The following ASAP1 variants were observed in gnomAD, a reference collection of about 807,000 sequenced individuals.
ASAP1 encodes ArfGAP with SH3 domain, ankyrin repeat and PH domain 1.
Under a neutral mutation model 145.2 loss-of-function variants are expected in ASAP1, and 43 were observed. The ratio of observed to expected loss-of-function variants is 0.30; its 90% CI spans 0.23 to 0.38. The LOEUF (loss-of-function observed/expected upper bound fraction) is 0.38, where lower values mean the gene tolerates loss of function less well. Among genes scored for constraint, ASAP1 ranks in the 10% least tolerant of loss-of-function variants. The pLI is 1.00. For missense variants in ASAP1, 1,018 were observed against 1,355.3 expected (o/e 0.75, Z 3.91); for synonymous variants, 546 against 515.5 (o/e 1.06, Z -0.80).
At position 130,135,556 on chromosome 8, in the gene ASAP1, G is replaced by A. The variant is rs552564188; in HGVS notation, c.1169-1212C>T. Among the ~76,000 whole-genome samples, 4 of 152,306 alleles carry A rather than the reference G, an allele frequency of 2.6e-5. No homozygotes were observed. In the South Asian group the frequency reaches 8.3e-4, roughly 32 times the overall value. On this transcript the variant is annotated intron_variant, in intron 14 of 29. Transcript: ENST00000518721. Reference sequence around the variant, plus strand: ...AAAAAAGAACATGCCATGGGTGGCAGAGCCTGAGAGCTTTGGTTGAATCTC... The same window carrying A: ...AAAAAAGAACATGCCATGGGTGGCAAAGCCTGAGAGCTTTGGTTGAATCTC...
At chr8:130,410,066 G>A (rs1217730944) in intron 1 of ASAP1, among the ~76,000 whole-genome samples, 1 of 152,176 alleles carries the variant, frequency 6.6e-6, no homozygotes, top group African/African-American at 2.4e-5. Flanking sequence ...CCTACTGCAT[G>A]CTATTTTCCA....
chr8:130,243,345 G>A (rs896387702), intron 3 of ASAP1, among the ~76,000 whole-genome samples: 2 of 152,024 alleles, frequency 1.3e-5, no homozygotes, highest in Non-Finnish European at 2.9e-5. Context: ...TAAAAACTCC[G>A]TAAGAATAAT....
chr8:130,205,369 T>A (rs1427284703), intron 5 of ASAP1, among the ~76,000 whole-genome samples: 1 of 143,810 alleles, frequency 7.0e-6, no homozygotes, highest in African/African-American at 2.6e-5. Flanking sequence ...ACACTGAATG[T>A]GAATCCTTAT....
intron 11 of ASAP1, among the ~76,000 whole-genome samples, chr8:130,166,316 A>G (rs1477883939): frequency 6.6e-6 from 1 of 152,224 alleles, no homozygotes; most frequent in East Asian, 1.9e-4. Flanking sequence ...AATTTAACCC[A>G]TAATTTCATA....
chr8:130,251,310 C>T (rs995880007), intron 3 of ASAP1, among the ~76,000 whole-genome samples: 3 of 151,890 alleles, frequency 2.0e-5, no homozygotes, highest in South Asian at 2.1e-4. Flanking sequence ...CCCAGCTAGT[C>T]GGGAGGCTGA....
At chr8:130,156,871 AAAGAC>A (rs1287665808) in intron 12 of ASAP1, among the ~76,000 whole-genome samples, 1 of 152,346 alleles carries the variant, frequency 6.6e-6, no homozygotes, top group East Asian at 1.9e-4. Flanking sequence ...ACACTTAAGA[AAAGAC>A]TGTTGATCTT....
chr8:130,424,614 G>C (rs995502918), intron 1 of ASAP1, among the ~76,000 whole-genome samples: 8 of 152,154 alleles, frequency 5.3e-5, no homozygotes, highest in Non-Finnish European at 1.0e-4. Flanking sequence ...TGATAAAAGG[G>C]ACCAGGTGCA....
chr8:130,099,706 A>C (rs2097525409), intron 24 of ASAP1, among the ~76,000 whole-genome samples: 1 of 119,792 alleles, frequency 8.3e-6, no homozygotes. Flanking sequence ...TTTTTGAGAC[A>C]GAGTCTTGCT....
chr8:130,096,289 G>A (rs550300864), intron 24 of ASAP1, among the ~76,000 whole-genome samples: 90 of 152,310 alleles, frequency 5.9e-4, no homozygotes, highest in South Asian at 2.1e-4. Flanking sequence ...AAATAAATCT[G>A]AGTACTGGTT....
Position 130,112,087 on chromosome 8 carries a change from C to T in ASAP1, c.2401+7G>A. 6.2e-7 allele frequency: 1 copy of T among 1,611,530 alleles called. No homozygotes were observed. Among genetic ancestry groups the T allele is most frequent in the Non-Finnish European group, 8.5e-7 (1 of 1,177,882 alleles). On this transcript the variant is annotated splice_region_variant and intron_variant, in intron 24 of 29. Transcript: ENST00000518721. ...ATGGAGTCACAAGCCCTTCTCAAAG[C>T]CCATACCTTTCCCGGCGTTCCTAGG...
Position 130,189,015 on chromosome 8 carries a change from G to A in ASAP1, c.406-832C>T, listed in dbSNP as rs184828427. Among the ~76,000 whole-genome samples the A allele has an allele frequency of 6.4e-3, 976 of 151,640 alleles. 6 individuals are homozygous for A. The highest frequency in any genetic ancestry group is 9.7e-3 in the Non-Finnish European group (657 of 67,872). ...CTGTGTTTGGATTTTTTTTTGCTCA[G>A]ATTTATCTTTTAATTTTTAGTTTTT... On this transcript the variant is annotated intron_variant, in intron 5 of 29. Coordinates refer to ENST00000518721, the MANE Select transcript of ASAP1 (RefSeq NM_018482.4).
chr8:130,315,971 C>T (rs1368977336), intron 3 of ASAP1, among the ~76,000 whole-genome samples: 1 of 152,224 alleles, frequency 6.6e-6, no homozygotes, highest in Non-Finnish European at 1.5e-5. Context: ...GCATTGGCCA[C>T]TCCCTTCGCC....
intron 3 of ASAP1, among the ~76,000 whole-genome samples, chr8:130,319,858 T>C (rs1365042337): frequency 6.6e-6 from 1 of 152,186 alleles, no homozygotes; most frequent in Admixed American, 6.5e-5. Context: ...ACAAAAAAAC[T>C]TTCTAGGTGA....
At chr8:130,152,552 C>T (rs976247101) in intron 13 of ASAP1, 184 bp downstream of exon 13, 3 of 405,190 alleles carry the variant, frequency 7.4e-6, no homozygotes, top group Non-Finnish European at 8.7e-6. Flanking sequence ...TCTAGTGATG[C>T]CAAAGAATGG....
At chr8:130,403,904 G>C (rs1010664001) in intron 1 of ASAP1, among the ~76,000 whole-genome samples, 3 of 152,006 alleles carry the variant, frequency 2.0e-5, no homozygotes, top group African/African-American at 7.3e-5. Flanking sequence ...TTCCACCACA[G>C]GTCCTTTGCC....
intron 11 of ASAP1, among the ~76,000 whole-genome samples, chr8:130,162,126 T>C (rs1032569905): frequency 6.6e-6 from 1 of 152,174 alleles, no homozygotes. Context: ...TCAGGGCCTA[T>C]AGCCTTGAAT....
At chr8:130,057,312 G>C (rs1181591930) in intron 29 of ASAP1, among the ~76,000 whole-genome samples, 1 of 152,152 alleles carries the variant, frequency 6.6e-6, no homozygotes, top group Non-Finnish European at 1.5e-5. Flanking sequence ...GGGACCACAG[G>C]CAACATGCTC....
intron 13 of ASAP1, among the ~76,000 whole-genome samples, chr8:130,137,598 CA>C (rs1352052311): frequency 1.3e-5 from 2 of 152,102 alleles, no homozygotes; most frequent in African/African-American, 2.4e-5. Flanking sequence ...ATGGATTCAA[CA>C]AATTTTGGTT....
At chr8:130,428,814 CCAT>C (rs1830040912) in intron 1 of ASAP1, among the ~76,000 whole-genome samples, 1 of 152,058 alleles carries the variant, frequency 6.6e-6, no homozygotes, top group African/African-American at 2.4e-5. Context: ...ACCACCACCA[CCAT>C]CATTATCATT....
Sources: gnomAD v4.1 joint callset for allele counts (sites outside exome capture counted in the v4.1 genomes callset) on GRCh38, gnomAD v4.1.1 for gene constraint, MANE v1.5 for transcripts, NCBI Gene and HGNC (gene_info 2026-07-23, HGNC 2026-07-21) for gene names.